RIMS2: variants seen among roughly 807,000 people sequenced by gnomAD.
RIMS2 encodes regulating synaptic membrane exocytosis 2, also known as regulating synaptic membrane exocytosis protein 2.
Under a neutral mutation model 174.4 loss-of-function variants are expected in RIMS2, and 59 were observed. The ratio of observed to expected loss-of-function variants is 0.34; its 90% confidence interval spans 0.27 to 0.42. The LOEUF is 0.42. Among genes scored for constraint, RIMS2 ranks in the 10% least tolerant of loss-of-function variants. The pLI is 1.00. For synonymous variants in RIMS2, 606 were observed against 572.5 expected (o/e 1.06, Z -0.84); for missense variants, 1,620 against 1,666.3 (o/e 0.97, Z 0.48).
chr8:103,778,622 T>C (rs2098346021), intron 3 of RIMS2, among the ~76,000 whole-genome samples: 1 of 152,182 alleles, frequency 6.6e-6, no homozygotes. Context: ...TATTCCATTC[T>C]ATATATATGT....
chr8:103,948,133 A>C (rs1437654975), intron 14 of RIMS2, among the ~76,000 whole-genome samples: 1 of 152,184 alleles, frequency 6.6e-6, no homozygotes, highest in East Asian at 1.9e-4. Context: ...GTTATGCCAC[A>C]ATTACATTAC....
chr8:104,066,208 A>T (rs1311872757), intron 19 of RIMS2, among the ~76,000 whole-genome samples: 3 of 152,162 alleles, frequency 2.0e-5, no homozygotes, highest in Non-Finnish European at 2.9e-5. Flanking sequence ...AATATTTGTT[A>T]TTGGGCCCTT....
At chr8:104,067,929 A>G (rs537448009) in intron 19 of RIMS2, among the ~76,000 whole-genome samples, 4 of 152,244 alleles carry the variant, frequency 2.6e-5, no homozygotes, top group African/African-American at 9.6e-5. Flanking sequence ...TTGTGCCTTT[A>G]CTGGCATGGT....
chr8:103,653,772 AG>A (rs1356510337), intron 1 of RIMS2, among the ~76,000 whole-genome samples: 2 of 152,116 alleles, frequency 1.3e-5, no homozygotes, highest in African/African-American at 4.8e-5. Flanking sequence ...CTGAAGTAAA[AG>A]TATGATATGT....
At chr8:104,126,235 G>A (rs774408611) in intron 19 of RIMS2, among the ~76,000 whole-genome samples, 2 of 152,160 alleles carry the variant, frequency 1.3e-5, no homozygotes, top group South Asian at 2.1e-4. Flanking sequence ...CAAAATAAAA[G>A]GTTGGCCAAT....
At chr8:103,623,585 C>A (rs574021222) in intron 1 of RIMS2, among the ~76,000 whole-genome samples, 1 of 146,060 alleles carries the variant, frequency 6.8e-6, no homozygotes, top group East Asian at 2.2e-4. Context: ...CCCGGGTTCA[C>A]GCCATTCTCC....
At chr8:103,837,631 G>A (rs907817124) in intron 3 of RIMS2, among the ~76,000 whole-genome samples, 13 of 152,024 alleles carry the variant, frequency 8.6e-5, no homozygotes, top group African/African-American at 2.4e-4. Context: ...TTGTCCTTGC[G>A]ATAGTTTGCT....
At chr8:104,028,123 A>T (rs2096295839) in intron 19 of RIMS2, among the ~76,000 whole-genome samples, 6 of 150,598 alleles carry the variant, frequency 4.0e-5, no homozygotes, top group African/African-American at 7.4e-5. Context: ...TAGAGATAGA[A>T]TCTCTAAAAA....
At chr8:103,681,592 T>C (rs1021474733) in intron 1 of RIMS2, among the ~76,000 whole-genome samples, 15 of 152,044 alleles carry the variant, frequency 9.9e-5, no homozygotes, top group African/African-American at 3.6e-4. Context: ...AGAGCATGTA[T>C]AAAATATAGT....
At chr8:103,512,740 T>C (rs1008049611) in intron 1 of RIMS2, among the ~76,000 whole-genome samples, 13 of 152,138 alleles carry the variant, frequency 8.5e-5, no homozygotes, top group African/African-American at 3.1e-4. Flanking sequence ...ATTAGAAAAG[T>C]GGGCAATCCT....
intron 19 of RIMS2, among the ~76,000 whole-genome samples, chr8:104,057,976 C>T (rs902803575): frequency 2.0e-5 from 3 of 151,996 alleles, no homozygotes; most frequent in African/African-American, 7.3e-5. Context: ...CGTTGTTGGA[C>T]ATTTGGGTTG....
intron 1 of RIMS2, among the ~76,000 whole-genome samples, chr8:103,585,735 G>T (rs1271758916): frequency 6.6e-6 from 1 of 151,842 alleles, no homozygotes; most frequent in East Asian, 1.9e-4. Flanking sequence ...TTGGGGGGTT[G>T]GGGGCAAGGG....
intron 14 of RIMS2, among the ~76,000 whole-genome samples, chr8:103,950,665 T>C (rs1358081838): frequency 2.0e-5 from 3 of 152,172 alleles, no homozygotes; most frequent in Non-Finnish European, 4.4e-5. Context: ...TATCAAACCC[T>C]ACAGCTAAAT....
chr8:104,186,247 T>C (rs951755215), intron 19 of RIMS2, among the ~76,000 whole-genome samples: 1 of 151,610 alleles, frequency 6.6e-6, no homozygotes, highest in African/African-American at 2.4e-5. Flanking sequence ...AGTGAAGGGA[T>C]GGATGACGAG....
chr8:104,247,134 G>C (rs2099338269), intron 20 of RIMS2, among the ~76,000 whole-genome samples: 5 of 152,174 alleles, frequency 3.3e-5, no homozygotes, highest in Admixed American at 2.6e-4. Context: ...AATGTATTTT[G>C]ACAGTAGAGC....
At chr8:103,598,377 A>G (rs2094556961) in intron 1 of RIMS2, among the ~76,000 whole-genome samples, 1 of 152,210 alleles carries the variant, frequency 6.6e-6, no homozygotes. Flanking sequence ...GAATAGGCTG[A>G]GAGACTAAGA....
chr8:104,227,881 A>C (rs756905679), intron 19 of RIMS2, among the ~76,000 whole-genome samples: 5 of 152,212 alleles, frequency 3.3e-5, no homozygotes, highest in Admixed American at 1.3e-4. Flanking sequence ...AAGAAATAAG[A>C]ATAGCTTTAA....
intron 19 of RIMS2, among the ~76,000 whole-genome samples, chr8:104,127,390 A>G (rs2098440470): frequency 6.6e-6 from 1 of 152,176 alleles, no homozygotes; most frequent in Non-Finnish European, 1.5e-5. Context: ...GCTCAATTCC[A>G]ATCAATGTTC....
chr8:103,958,138 A>G (rs1349836151), intron 14 of RIMS2, among the ~76,000 whole-genome samples: 2 of 152,240 alleles, frequency 1.3e-5, no homozygotes, highest in Non-Finnish European at 2.9e-5. Flanking sequence ...AATAGCAAAG[A>G]CATGGAATTA....
Sources: gnomAD v4.1 joint callset for allele counts (sites outside exome capture counted in the v4.1 genomes callset) on GRCh38, gnomAD v4.1.1 for gene constraint, MANE v1.5 for transcripts, NCBI Gene and HGNC (gene_info 2026-07-23, HGNC 2026-07-21) for gene names.